The following RNF168 variants were observed in gnomAD, a reference collection of about 807,000 sequenced individuals.
RNF168 encodes ring finger protein 168.
RNF168 carries 34 observed loss-of-function variants against 34.9 expected under a neutral mutation model. That is an observed-to-expected ratio of 0.97 (90% CI 0.74 to 1.30). The LOEUF is 1.30. Among genes scored for constraint, RNF168 ranks in the 50% most tolerant of loss-of-function variants. The pLI, the probability that RNF168 is intolerant of heterozygous loss-of-function variation, is 0.00. For synonymous variants in RNF168, 264 were observed against 254.7 expected (o/e 1.04, Z -0.35); for missense variants, 725 against 682.5 (o/e 1.06, Z -0.69).
chr3:196,471,625 G>A lies in RNF168; in HGVS notation c.*194C>T. 1 of 587,602 alleles carries A rather than the reference G, an allele frequency of 1.7e-6. No homozygotes were observed. Among genetic ancestry groups the A allele is most frequent in the Non-Finnish European group, 3.0e-6 (1 of 328,722 alleles). 36.4% of individuals were successfully genotyped at this position (587,602 alleles called of 1,614,324 possible). A position where few individuals can be genotyped will look rare whatever the true frequency, so the allele number is the denominator to read the frequency against. On this transcript the variant is annotated 3_prime_UTR_variant, in exon 6 of 6. Coordinates refer to ENST00000318037, the MANE Select transcript of RNF168 (RefSeq NM_152617.4). ...CTGTTATTAAGAAGGGAAACGACAG[G>A]GGACCCCTGCTTACCGCTGAGCTGT...
chr3:196,493,850 A>G (rs1490046769), intron 1 of RNF168, among the ~76,000 whole-genome samples: 1 of 140,928 alleles, frequency 7.1e-6, no homozygotes, highest in South Asian at 2.1e-4. Context: ...TCTTTTTTTA[A>G]ATTTATTTTT....
At chr3:196,502,741 C>G in intron 1 of RNF168, 132 bp downstream of exon 1, 1 of 803,644 alleles carries the variant, frequency 1.2e-6, no homozygotes, top group Non-Finnish European at 2.1e-6. Context: ...AACCCCCTAA[C>G]CTCTGAGAAC....
At position 196,483,833 on chromosome 3, in the gene RNF168, G is replaced by C. The variant is rs780579532; in HGVS notation, c.617C>G (p.Pro206Arg). ...ASPLNSRKSD[P>R]VTPKSEKKSK... ...TTTCTTTTCAGACTTGGGTGTAACT[G>C]GATCAGATTTTCTGGAATTCAAGGG... Residue 206 changes from proline to arginine, a missense_variant, in exon 4 of 6, where the codon CCA becomes CGA. Pro to Arg is a moderately radical substitution (Grantham distance 103, BLOSUM62 -2). Coordinates refer to ENST00000318037, the MANE Select transcript of RNF168 (RefSeq NM_152617.4). 29 of 1,607,672 alleles carry C rather than the reference G, an allele frequency of 1.8e-5. No individual in the cohort carries two copies. Among genetic ancestry groups the C allele is most frequent in the Admixed American group, 1.7e-5 (1 of 59,970 alleles).
Position 196,503,057 on chromosome 3 carries a change from G to A in RNF168, c.117C>T (p.Cys39=). 1.2e-6 allele frequency: 2 copies of A among 1,614,180 alleles called. No homozygotes were observed. Among genetic ancestry groups the A allele is most frequent in the Non-Finnish European group, 8.5e-7 (1 of 1,180,028 alleles). ...LPCNHTLCKP[C]FQSTVEKASL... ...TCGCCTTTTCGACGGTCGACTGGAA[G>A]CACGGTTTACACAGCGTGTGGTTAC... The change falls in exon 1 of 6, where the codon TGC becomes TGT. Residue 39 remains cysteine, a synonymous_variant. Transcript: ENST00000318037.
rs564879913 is a variant in RNF168 at position 196,470,505 on chromosome 3, A to T, written c.*1314T>A. 4 of 145,726 alleles carry T rather than the reference A, an allele frequency of 2.7e-5. No homozygotes were observed. Among genetic ancestry groups the T allele is most frequent in the African/African-American group, 1.1e-4 (4 of 37,866 alleles). 9.0% of individuals were successfully genotyped at this position (145,726 alleles called of 1,614,324 possible). A position where few individuals can be genotyped will look rare whatever the true frequency, so the allele number is the denominator to read the frequency against. ...ACCAACCACCCAATCAGTTTCAATG[A>T]TCCAGACTGTCAGTCACCCCATCCA... is the stretch of plus-strand genomic sequence containing the variant. On this transcript the variant is annotated 3_prime_UTR_variant, in exon 6 of 6. Coordinates refer to ENST00000318037, the MANE Select transcript of RNF168 (RefSeq NM_152617.4).
At chr3:196,492,388 T>C (rs535640691) in intron 1 of RNF168, among the ~76,000 whole-genome samples, 1 of 152,174 alleles carries the variant, frequency 6.6e-6, no homozygotes, top group East Asian at 1.9e-4. Flanking sequence ...ATAAGACAGA[T>C]GTATTATACT....
intron 4 of RNF168, among the ~76,000 whole-genome samples, chr3:196,482,138 A>T (rs1484270618): frequency 6.6e-6 from 1 of 152,092 alleles, no homozygotes; most frequent in Non-Finnish European, 1.5e-5. Flanking sequence ...CGGCACGTAA[A>T]GCCTTCTAAA....
chr3:196,502,593 A>T (rs1276204149), intron 1 of RNF168, among the ~76,000 whole-genome samples: 2 of 151,684 alleles, frequency 1.3e-5, no homozygotes, highest in Non-Finnish European at 2.9e-5. Flanking sequence ...GTCTCAAAAA[A>T]AAAAAAAAGA....
chr3:196,481,697 T>G (rs1001218787), intron 4 of RNF168, among the ~76,000 whole-genome samples: 1 of 145,114 alleles, frequency 6.9e-6, no homozygotes, highest in African/African-American at 2.6e-5. Context: ...TTTTTTTTTT[T>G]TTTTTTTTTT....
rs1220780760 is a variant in RNF168, at chr3:196,472,319, T to C, written c.1216A>G (p.Lys406Glu). The change falls in exon 6 of 6, where the codon AAA becomes GAA. Residue 406 changes from lysine to glutamate, a missense_variant. Lys to Glu is a moderately conservative substitution (Grantham distance 56, BLOSUM62 1). Coordinates refer to ENST00000318037, the MANE Select transcript of RNF168 (RefSeq NM_152617.4). Reference protein sequence around the residue: ...EAVKDPCFSAKRRKVSPESSP... With the variant: ...EAVKDPCFSAERRKVSPESSP... ...GATTCGGGGGACACTTTTCTTCTTT[T>C]TGCAGAAAAGCATGGATCCTTGACT... 1.2e-6 allele frequency: 2 copies of C among 1,613,946 alleles called. No homozygotes were observed. The highest frequency in any genetic ancestry group is 8.5e-7 in the Non-Finnish European group (1 of 1,179,920).
At chr3:196,479,752 G>A (rs1459134939) in intron 4 of RNF168, among the ~76,000 whole-genome samples, 1 of 151,698 alleles carries the variant, frequency 6.6e-6, no homozygotes, top group Non-Finnish European at 1.5e-5. Flanking sequence ...ACCACGCCTG[G>A]CTAATTTTTT....
At chr3:196,489,516 C>A (rs772933498) in intron 1 of RNF168, among the ~76,000 whole-genome samples, 4 of 151,150 alleles carry the variant, frequency 2.6e-5, no homozygotes, top group African/African-American at 7.3e-5. Flanking sequence ...TAATACAGAC[C>A]GGTTTTTGCC....
At chr3:196,472,829 G>A (rs1399216949) in intron 5 of RNF168, 57 bp from the exon 6 acceptor site, 13 of 1,038,576 alleles carry the variant, frequency 1.3e-5, no homozygotes, top group Non-Finnish European at 1.8e-5. Flanking sequence ...ATCATAAGAT[G>A]TAAGTCTAAT....
chr3:196,488,179 C>T (rs1377022502), intron 2 of RNF168, among the ~76,000 whole-genome samples: 1 of 152,066 alleles, frequency 6.6e-6, no homozygotes, highest in African/African-American at 2.4e-5. Flanking sequence ...TTATAAAGTA[C>T]ATTAAAATTA....
intron 4 of RNF168, among the ~76,000 whole-genome samples, chr3:196,481,687 T>G (rs74811126): frequency 2.4e-5 from 3 of 126,054 alleles, no homozygotes; most frequent in African/African-American, 4.0e-5. Context: ...GCTGCGTTTT[T>G]TTTTTTTTTT....
intron 1 of RNF168, among the ~76,000 whole-genome samples, chr3:196,495,176 CGTGT>C (rs34914417): frequency 7.3e-5 from 11 of 150,036 alleles, no homozygotes; most frequent in Middle Eastern, 3.4e-3. Context: ...CATTGCCTTT[CGTGT>C]GTGTGTGTGT....
chr3:196,502,042 CA>C (rs1333309311), intron 1 of RNF168, among the ~76,000 whole-genome samples: 31 of 39,964 alleles, frequency 7.8e-4, no homozygotes, highest in Admixed American at 2.3e-3. Context: ...TAACTGTGAC[CA>C]AAAAAAATTA....
At position 196,472,203 on chromosome 3, in the gene RNF168, T is replaced by C; in HGVS notation, c.1332A>G (p.Glu444=). The change falls in exon 6 of 6, where the codon GAA becomes GAG. Residue 444 remains glutamate, a synonymous_variant. Transcript: ENST00000318037. ...GTTGTAATGCCAATAACCTGTCCTG[T>C]TCTTCTTGTTTATGTCTCTCAAACA... ...HLLFERHKQE[E]QDRLLALQLQ... is the part of the protein sequence containing the mutation. 6.2e-7 allele frequency: 1 copy of C among 1,614,064 alleles called. No individual in the cohort carries two copies. The highest frequency in any genetic ancestry group is 8.5e-7 in the Non-Finnish European group (1 of 1,179,920).
intron 5 of RNF168, among the ~76,000 whole-genome samples, chr3:196,474,608 C>T (rs1732096276): frequency 6.6e-6 from 1 of 151,946 alleles, no homozygotes; most frequent in Non-Finnish European, 1.5e-5. Flanking sequence ...CCACCACACC[C>T]GGCTAATTTT....
Sources: allele counts gnomAD v4.1 joint callset (sites outside exome capture counted in the v4.1 genomes callset), GRCh38; gene constraint gnomAD v4.1.1; transcripts MANE v1.5; gene names NCBI Gene and HGNC (gene_info 2026-07-23, HGNC 2026-07-21).